Variants in SORCS2 observed in about 807,000 individuals in gnomAD.
SORCS2 encodes the protein sortilin related VPS10 domain containing receptor 2, also known as VPS10 domain-containing receptor SorCS2.
SORCS2 carries 100 observed loss-of-function variants against 141.6 expected under a neutral mutation model. The observed-to-expected ratio is 0.71, with a 90% CI of 0.60 to 0.83. The LOEUF is 0.83. Ranked by LOEUF, SORCS2 falls within the 40% of genes least tolerant of loss-of-function variation. The pLI is 0.00. For synonymous variants in SORCS2, 789 were observed against 676.9 expected, an observed-to-expected ratio of 1.17 and a Z score of -2.57; for missense variants, 1,646 against 1,560.2, an observed-to-expected ratio of 1.05 and a Z score of -0.93.
rs139208616 is a variant in SORCS2, at chr4:7,632,016, G to A, written c.649-6312G>A. 1.5e-3 allele frequency among the ~76,000 whole-genome samples: 221 copies of A among 152,278 alleles called. 2 individuals carry two copies. In the Middle Eastern group the frequency reaches 0.02, roughly 14 times the overall value. ...ACACAGACATCAGGGGAGAAAAGCC[G>A]TCTGTGTGATCACCCACTTGGCACA... On this transcript the variant is annotated intron_variant, in intron 3 of 26. Transcript: ENST00000507866.
chr4:7,284,782 C>T (rs1716099309), intron 1 of SORCS2, among the ~76,000 whole-genome samples: 1 of 152,196 alleles, frequency 6.6e-6, no homozygotes, highest in African/African-American at 2.4e-5. Flanking sequence ...TATTCTCTCA[C>T]AGTCCAGGGG....
At chr4:7,343,416 G>A (rs780164349) in intron 1 of SORCS2, among the ~76,000 whole-genome samples, 3 of 152,222 alleles carry the variant, frequency 2.0e-5, no homozygotes, top group African/African-American at 7.2e-5. Context: ...ATGTAAGGTC[G>A]GCGTCCCTGT....
intron 1 of SORCS2, among the ~76,000 whole-genome samples, chr4:7,307,220 A>G (rs955998847): frequency 3.3e-5 from 5 of 152,156 alleles, no homozygotes; most frequent in Non-Finnish European, 7.3e-5. Flanking sequence ...AGAGCCAGAT[A>G]AAGGCACTGC....
chr4:7,352,789 G>T (rs1721022365), intron 1 of SORCS2, among the ~76,000 whole-genome samples: 1 of 152,142 alleles, frequency 6.6e-6, no homozygotes, highest in Non-Finnish European at 1.5e-5. Flanking sequence ...ATGTCTTTAT[G>T]GGCCAGGGAC....
At chr4:7,515,874 G>A (rs1732945272) in intron 2 of SORCS2, among the ~76,000 whole-genome samples, 1 of 152,158 alleles carries the variant, frequency 6.6e-6, no homozygotes, top group Admixed American at 6.5e-5. Flanking sequence ...TCACCCACGG[G>A]GCTGCTTGGT....
chr4:7,338,896 C>T (rs903281928), intron 1 of SORCS2, among the ~76,000 whole-genome samples: 10 of 152,264 alleles, frequency 6.6e-5, no homozygotes, highest in South Asian at 2.1e-4. Context: ...GTGGAAGGCA[C>T]GTGGTCGTGC....
In SORCS2 at chr4:7,502,357, A is replaced by G. The variant is rs190264536; in HGVS notation, c.549-29173A>G. Among the ~76,000 whole-genome samples, 1,372 of 152,314 alleles carry G rather than the reference A, an allele frequency of 9.0e-3. 26 individuals carry two copies. The highest frequency in any genetic ancestry group is 0.032 in the African/African-American group (1,312 of 41,570). The stretch of plus-strand genomic sequence containing the variant: ...GGATTCTGTGGTCATGGTGGTCCCC[A>G]TGGGGCTGATTGATGATTCTTCACC... On this transcript the variant is annotated intron_variant, in intron 2 of 26. Coordinates refer to ENST00000507866, the MANE Select transcript of SORCS2 (RefSeq NM_020777.3).
At chr4:7,594,489 C>A (rs1193835574) in intron 3 of SORCS2, among the ~76,000 whole-genome samples, 1 of 152,242 alleles carries the variant, frequency 6.6e-6, no homozygotes, top group East Asian at 1.9e-4. Flanking sequence ...CCCTCCTTGG[C>A]ACTGTCCTGC....
chr4:7,266,004 A>G (rs1298393777), intron 1 of SORCS2, among the ~76,000 whole-genome samples: 1 of 152,152 alleles, frequency 6.6e-6, no homozygotes, highest in Non-Finnish European at 1.5e-5. Flanking sequence ...CCTCCGTGTC[A>G]TCCTACCTGT....
intron 1 of SORCS2, among the ~76,000 whole-genome samples, chr4:7,220,436 G>A (rs1728636841): frequency 1.3e-5 from 2 of 152,190 alleles, no homozygotes; most frequent in African/African-American, 4.8e-5. Context: ...GAAAAGGAAT[G>A]AGTGGATGAA....
At chr4:7,569,630 C>T (rs533192854) in intron 3 of SORCS2, among the ~76,000 whole-genome samples, 16 of 152,296 alleles carry the variant, frequency 1.1e-4, no homozygotes, top group South Asian at 8.3e-4. Context: ...GTGGAGGGCA[C>T]GGGTGCAGAT....
chr4:7,640,375 T>C (rs1720635165), intron 4 of SORCS2, among the ~76,000 whole-genome samples: 1 of 148,988 alleles, frequency 6.7e-6, no homozygotes, highest in Non-Finnish European at 1.5e-5. Context: ...TGTGTGAATG[T>C]ACATGAGTGT....
At chr4:7,501,671 T>C (rs1003783210) in intron 2 of SORCS2, among the ~76,000 whole-genome samples, 5 of 152,216 alleles carry the variant, frequency 3.3e-5, no homozygotes, top group African/African-American at 7.2e-5. Flanking sequence ...GCCCTTTGCG[T>C]TGGTCTCATT....
At chr4:7,507,313 T>A (rs972559793) in intron 2 of SORCS2, among the ~76,000 whole-genome samples, 1 of 152,282 alleles carries the variant, frequency 6.6e-6, no homozygotes, top group South Asian at 2.1e-4. Context: ...TAGCTGGGAT[T>A]ACAGGCGCGT....
At chr4:7,317,362 C>G (rs572391966) in intron 1 of SORCS2, among the ~76,000 whole-genome samples, 1 of 152,346 alleles carries the variant, frequency 6.6e-6, no homozygotes, top group East Asian at 1.9e-4. Context: ...TGGATGAGCC[C>G]TCAAGGGTAC....
intron 1 of SORCS2, among the ~76,000 whole-genome samples, chr4:7,235,888 G>A (rs1380323330): frequency 6.6e-6 from 1 of 152,188 alleles, no homozygotes; most frequent in Admixed American, 6.5e-5. Context: ...ATTCCATTTA[G>A]ACAGGTGTGA....
intron 1 of SORCS2, among the ~76,000 whole-genome samples, chr4:7,264,596 G>T (rs1206473984): frequency 6.6e-6 from 1 of 152,230 alleles, no homozygotes; most frequent in Non-Finnish European, 1.5e-5. Flanking sequence ...TCCTTCTCGG[G>T]AAGGTGCTGT....
chr4:7,231,164 C>T (rs1426217015), intron 1 of SORCS2, among the ~76,000 whole-genome samples: 2 of 152,216 alleles, frequency 1.3e-5, no homozygotes, highest in Non-Finnish European at 2.9e-5. Flanking sequence ...CCAGTTTGAT[C>T]TGAAGGCTGG....
chr4:7,454,520 G>T (rs1347171354), intron 2 of SORCS2, among the ~76,000 whole-genome samples: 2 of 134,270 alleles, frequency 1.5e-5, no homozygotes, highest in Admixed American at 1.5e-4. Context: ...GTCAGATGCT[G>T]TGTTGGGGTC....
Sources: gnomAD v4.1 joint callset for allele counts (sites outside exome capture counted in the v4.1 genomes callset) on GRCh38, gnomAD v4.1.1 for gene constraint, MANE v1.5 for transcripts, NCBI Gene and HGNC (gene_info 2026-07-23, HGNC 2026-07-21) for gene names.